Variants in PLEKHG5 observed in about 807,000 individuals in gnomAD.
PLEKHG5 encodes pleckstrin homology and RhoGEF domain containing G5.
A neutral mutation model predicts 103.8 loss-of-function variants in PLEKHG5; 52 were observed. That is an observed-to-expected ratio of 0.50 (90% CI 0.40 to 0.63). The LOEUF (loss-of-function observed/expected upper bound fraction) is 0.63, where lower values mean the gene tolerates loss of function less well. Among genes scored for constraint, PLEKHG5 ranks in the 30% least tolerant of loss-of-function variants. The pLI, the probability that PLEKHG5 is intolerant of heterozygous loss-of-function variation, is 0.00. For missense variants in PLEKHG5, 1,205 were observed against 1,347.6 expected (o/e 0.89, Z 1.66); for synonymous variants, 592 against 575.5 (o/e 1.03, Z -0.41).
chr1:6,519,735 A>C, exon 1 of PLEKHG5: 1 of 613,404 alleles, frequency 1.6e-6, no homozygotes, highest in Non-Finnish European at 2.9e-6. Context: ...TCCCCGTCCA[A>C]CACAGGTCCC....
upstream of PLEKHG5, among the ~76,000 whole-genome samples, chr1:6,494,278 C>A (rs1489418484): frequency 6.6e-6 from 1 of 151,578 alleles, no homozygotes; most frequent in Non-Finnish European, 1.5e-5. Context: ...TTACAGGCAC[C>A]CACCACCATG....
chr1:6,471,126 C>T (rs1163514178), intron 12 of PLEKHG5, 26 bp from the exon 13 acceptor site: 8 of 1,532,202 alleles, frequency 5.2e-6, no homozygotes, highest in South Asian at 1.2e-5. Flanking sequence ...ACAACCACGG[C>T]GCCGGTTACC....
chr1:6,469,599 G>A lies in PLEKHG5; in HGVS notation c.1878C>T (p.Val626=), dbSNP rs760225384. ...KAVKKAERTR[V]IRPPLLVDKI... ...TGTCCACGAGCAGGGGTGGCCTGATGACCCTGGTCCTCTCTGCCTTCTTCA... is the reference window on the plus strand; with the variant it reads ...TGTCCACGAGCAGGGGTGGCCTGATAACCCTGGTCCTCTCTGCCTTCTTCA... The change falls in exon 17 of 21, where the codon GTC becomes GTT. Residue 626 remains valine (V), a synonymous_variant. Transcript: ENST00000377728. 4.3e-6 allele frequency: 7 copies of A among 1,613,840 alleles called. No individual in the cohort carries two copies. Among genetic ancestry groups the A allele is most frequent in the East Asian group, 2.2e-5 (1 of 44,882 alleles).
At position 6,490,046 on chromosome 1, in the gene PLEKHG5, C is replaced by T. The variant is rs925588937; in HGVS notation, c.-88+1591G>A. On this transcript the variant is annotated intron_variant, in intron 1 of 20. Coordinates refer to ENST00000377728, the MANE Select transcript of PLEKHG5 (RefSeq NM_020631.6). This position sits in a 1 kb window ranked among gnomAD's most constrained non-coding sequence, Gnocchi z 8.0. ...GCCCGAGGCGCAGCCTCTGGCGCCCCCTGCCGGCCTCGAGAGGGCTTTTCC... is the reference window on the plus strand; with the variant it reads ...GCCCGAGGCGCAGCCTCTGGCGCCCTCTGCCGGCCTCGAGAGGGCTTTTCC... Among the ~76,000 whole-genome samples, 5 of 152,178 alleles carry T rather than the reference C, an allele frequency of 3.3e-5. No homozygotes were observed. The highest frequency in any genetic ancestry group is 1.2e-4 in the African/African-American group (5 of 41,440).
At chr1:6,519,581 A>C in exon 1 of PLEKHG5, 1 of 1,143,168 alleles carries the variant, frequency 8.7e-7, no homozygotes, top group Non-Finnish European at 1.3e-6. Flanking sequence ...GGCCTCTCTA[A>C]TCAGACACAC....
chr1:6,470,697 GCGCA>G, intron 14 of PLEKHG5, 34 bp downstream of exon 14: 1 of 1,552,162 alleles, frequency 6.4e-7, no homozygotes, highest in East Asian at 2.4e-5. Context: ...GCAGAGAGCC[GCGCA>G]GGGGGGACGG....
At chr1:6,497,290 C>G (rs1368858161), upstream of PLEKHG5, 13 of 985,794 alleles carry the variant, frequency 1.3e-5, no homozygotes, top group South Asian at 1.7e-4. The surrounding 1 kb of genome is among the most constrained non-coding windows in gnomAD (Gnocchi z 6.1). Flanking sequence ...GACCCCGCCC[C>G]GCGTCCGCCG....
intron 1 of PLEKHG5, among the ~76,000 whole-genome samples, chr1:6,516,358 C>T (rs775474953): frequency 4.6e-5 from 7 of 152,100 alleles, no homozygotes; most frequent in Non-Finnish European, 7.4e-5. Context: ...ATCGTGAAGC[C>T]ATTAAAAAGG....
rs1309359951 is a variant in PLEKHG5, at chr1:6,474,182, G to A, written c.440-18C>T. ...GGCTGGGGCTGCATGTGGGGGCCAC[G>A]AGAGATCCTCAGTACCCTGGTCTGG... On this transcript the variant is annotated intron_variant, in intron 6 of 20. Coordinates refer to ENST00000377728, the MANE Select transcript of PLEKHG5 (RefSeq NM_020631.6). 15 of 1,612,730 alleles carry A rather than the reference G, an allele frequency of 9.3e-6. No homozygotes were observed. Among genetic ancestry groups the A allele is most frequent in the Admixed American group, 8.3e-5 (5 of 59,976 alleles).
chr1:6,473,008 C>G lies in PLEKHG5; in HGVS notation c.962G>C (p.Arg321Pro), dbSNP rs773966438. 1 of 1,613,946 alleles carries G rather than the reference C, an allele frequency of 6.2e-7. No individual in the cohort carries two copies. The highest frequency in any genetic ancestry group is 8.5e-7 in the Non-Finnish European group (1 of 1,180,016). Residue 321 changes from arginine to proline, a missense_variant, in exon 9 of 21, where the codon CGG becomes CCG. Coordinates refer to ENST00000377728, the MANE Select transcript of PLEKHG5 (RefSeq NM_020631.6). ...CACCTCATGCCCATCAATGAGCTCC[C>G]GCCAGCTGTCCTCCAGCCTCAGGCA... ...NACLRLEDSW[R>P]ELIDGHEKLT...
chr1:6,472,575 C>T lies in PLEKHG5; in HGVS notation c.1032G>A (p.Leu344=). The change falls in exon 10 of 21, where the codon CTG becomes CTA. Residue 344 remains leucine, a synonymous_variant. Coordinates refer to ENST00000377728, the MANE Select transcript of PLEKHG5 (RefSeq NM_020631.6). The part of the protein sequence containing the change: ...QCHQQEAVWE[L]LHTEASYIRK... ...TGATGTAGGAGGCCTCCGTGTGCAG[C>T]AGCTCCCACACCGCCTCCTGCTGGT... The T allele has an allele frequency of 6.2e-7, 1 of 1,613,730 alleles. No homozygotes were observed. The highest frequency in any genetic ancestry group is 8.5e-7 in the Non-Finnish European group (1 of 1,179,880).
chr1:6,503,042 C>A (rs1015797988), intron 1 of PLEKHG5, among the ~76,000 whole-genome samples: 2 of 152,190 alleles, frequency 1.3e-5, no homozygotes, highest in African/African-American at 4.8e-5. Flanking sequence ...CCTCGCCACA[C>A]CTCACCAGGA....
rs201699727 is a variant in PLEKHG5 at position 6,470,560 on chromosome 1, C to A, written c.1626G>T (p.Val542=). 3.8e-6 allele frequency: 6 copies of A among 1,595,040 alleles called. No homozygotes were observed. Among genetic ancestry groups the A allele is most frequent in the Non-Finnish European group, 5.1e-6 (6 of 1,176,376 alleles). ...RQERQRLAAV[V]SRIDAYEVVE... is the part of the protein sequence containing the mutation. ...CCACCTCGTAGGCGTCGATGCGGCT[C>A]ACCACGGCCGCCAGCCGCTGCCGCT... is the stretch of plus-strand genomic sequence containing the variant. The change falls in exon 15 of 21, where the codon GTG becomes GTT. Residue 542 remains valine, a synonymous_variant. Transcript: ENST00000377728.
At chr1:6,514,459 A>AAAAAAAAG (rs61558647) in intron 1 of PLEKHG5, among the ~76,000 whole-genome samples, 3 of 151,466 alleles carry the variant, frequency 2.0e-5, no homozygotes, top group African/African-American at 4.9e-5. Context: ...GCCTCAAAAA[A>AAAAAAAAG]AAAAAGAAAA....
intron 1 of PLEKHG5, among the ~76,000 whole-genome samples, chr1:6,478,361 G>C (rs897495604): frequency 6.6e-6 from 1 of 152,100 alleles, no homozygotes; most frequent in Non-Finnish European, 1.5e-5. Flanking sequence ...TAGAGACGGG[G>C]TTTCACCATG....
chr1:6,486,400 C>T lies in PLEKHG5; in HGVS notation c.-88+5237G>A, dbSNP rs1232104977. ...CCTCCCATCAACCTGGAGACCCCTG[C>T]CCGAGAGCCTGAGCCCCAGGGACAC... On this transcript the variant is annotated intron_variant, in intron 1 of 20. Transcript: ENST00000377728. The surrounding 1 kb of genome is among the most constrained non-coding windows in gnomAD (Gnocchi z 5.3). 2.0e-5 allele frequency among the ~76,000 whole-genome samples: 3 copies of T among 152,138 alleles called. No individual in the cohort carries two copies. Among genetic ancestry groups the T allele is most frequent in the Non-Finnish European group, 4.4e-5 (3 of 67,994 alleles).
Position 6,471,462 on chromosome 1 carries a change from C to A in PLEKHG5, c.1281+26G>T, listed in dbSNP as rs1644584509. The A allele has an allele frequency of 2.4e-5, 39 of 1,604,098 alleles. 1 individual carries two copies. Among genetic ancestry groups the A allele is most frequent in the Non-Finnish European group, 3.0e-5 (35 of 1,176,368 alleles). Reference sequence around the variant, plus strand: ...GCGCCCCAGCCCTGCCTCAGTGCCCCCGCCTGCGCCCGGCCCCGCCCGTAC... The same window carrying A: ...GCGCCCCAGCCCTGCCTCAGTGCCCACGCCTGCGCCCGGCCCCGCCCGTAC... On this transcript the variant is annotated intron_variant, in intron 12 of 20. Transcript: ENST00000377728.
Position 6,473,043 on chromosome 1 carries a change from C to T in PLEKHG5, c.927G>A (p.Glu309=), listed in dbSNP as rs1644641031. The change falls in exon 9 of 21, where the codon GAG becomes GAA. Residue 309 remains glutamate (E), a synonymous_variant. Coordinates refer to ENST00000377728, the MANE Select transcript of PLEKHG5 (RefSeq NM_020631.6). ...CCTCCAGCCTCAGGCAGGCATTGTC[C>T]TCATCCTCGTCTTCATCGTACTCCT... is the stretch of plus-strand genomic sequence containing the variant. ...WEEEYDEDED[E]DNACLRLEDS... 1.2e-6 allele frequency: 2 copies of T among 1,614,084 alleles called. No individual in the cohort carries two copies. Among genetic ancestry groups the T allele is most frequent in the Non-Finnish European group, 1.7e-6 (2 of 1,180,020 alleles).
chr1:6,478,387 T>C (rs112051792), intron 1 of PLEKHG5, among the ~76,000 whole-genome samples: 1,841 of 152,246 alleles, frequency 0.012, 34 homozygotes, highest in African/African-American at 0.042. Flanking sequence ...CAGGCTGGTC[T>C]CAAACTCCTG....
Sources: gnomAD v4.1 joint callset for allele counts (sites outside exome capture counted in the v4.1 genomes callset) on GRCh38, gnomAD v4.1.1 for gene constraint, Gnocchi (gnomAD v3.1) non-coding constraint, MANE v1.5 for transcripts, NCBI Gene and HGNC (gene_info 2026-07-23, HGNC 2026-07-21) for gene names.